The following HHIPL2 variants were observed in gnomAD, a reference collection of about 807,000 sequenced individuals.
HHIPL2 encodes HHIP like 2.
A neutral mutation model predicts 61.0 loss-of-function variants in HHIPL2; 61 were observed. The observed-to-expected ratio is 1.00, with a 90% CI of 0.81 to 1.24. HHIPL2 has a LOEUF of 1.24. HHIPL2 is among the 50% of genes most tolerant of loss of function. HHIPL2 has a pLI of 0.00. For synonymous variants in HHIPL2, 343 were observed against 357.4 expected (o/e 0.96, Z 0.45); for missense variants, 885 against 910.2 (o/e 0.97, Z 0.36).
chr1:222,523,487 G>C (rs148070445), intron 8 of HHIPL2, 125 bp downstream of exon 8: 95 of 824,500 alleles, frequency 1.2e-4, no homozygotes, highest in Non-Finnish European at 1.8e-4. Flanking sequence ...CAGAGGAGAC[G>C]TATAGACTTA....
In HHIPL2 at chr1:222,532,113, T is replaced by A. The variant is rs577700102; in HGVS notation, c.1578-2A>T. On this transcript the variant is annotated splice_acceptor_variant, in intron 5 of 8. Transcript: ENST00000343410. LOFTEE classifies it high-confidence loss of function. ...TCTTCCTGCAAAGCCATAAGTCGACTAGACAAAAAATAAACCCTTATGTTT... is the reference window on the plus strand; with the variant it reads ...TCTTCCTGCAAAGCCATAAGTCGACAAGACAAAAAATAAACCCTTATGTTT... The A allele has an allele frequency of 2.9e-5, 46 of 1,608,806 alleles. No individual in the cohort carries two copies. The East Asian group carries it at 8.5e-4, about 30-fold the overall frequency.
intron 1 of HHIPL2, among the ~76,000 whole-genome samples, chr1:222,547,399 T>C (rs1659576849): frequency 1.3e-5 from 2 of 152,124 alleles, no homozygotes. Context: ...AGGATGCAAA[T>C]AATTATTTGC....
chr1:222,543,821 A>T lies in HHIPL2; in HGVS notation c.690T>A (p.His230Gln). ...VSMVHAGDGT[H>Q]RFFVAEQVGV... Reference sequence around the variant, plus strand: ...CTACCTGCTCGGCAACAAAGAAGCGATGGGTGCCGTCCCCAGCATGGACCA... The same window carrying T: ...CTACCTGCTCGGCAACAAAGAAGCGTTGGGTGCCGTCCCCAGCATGGACCA... Residue 230 changes from histidine to glutamine, a missense_variant, in exon 2 of 9, where the codon CAT (histidine) becomes CAA (glutamine). Transcript: ENST00000343410. 1 of 1,614,020 alleles carries T rather than the reference A, an allele frequency of 6.2e-7. No homozygotes were observed. Among genetic ancestry groups the T allele is most frequent in the South Asian group, 1.1e-5 (1 of 91,076 alleles).
chr1:222,545,103 G>C (rs1302757619), intron 1 of HHIPL2, among the ~76,000 whole-genome samples: 1 of 152,314 alleles, frequency 6.6e-6, no homozygotes, highest in East Asian at 1.9e-4. Context: ...GAGCAGACGA[G>C]CGACTCCCAG....
rs374204425 is a variant in HHIPL2 at position 222,543,728 on chromosome 1, G to C, written c.783C>G (p.Ile261Met). ...LEQPFLDLKN[I>M]VLTTPWIGDE... ...CCCCGATCCATGGGGTGGTCAACAC[G>C]ATGTTCTTGAGGTCCAGGAAGGGTT... Residue 261 changes from isoleucine to methionine, a missense_variant, in exon 2 of 9, where the codon ATC (isoleucine) becomes ATG (methionine). Physicochemically the swap from Ile to Met is conservative, Grantham distance 10. Coordinates refer to ENST00000343410, the MANE Select transcript of HHIPL2 (RefSeq NM_024746.4). 1.2e-6 allele frequency: 2 copies of C among 1,614,056 alleles called. No individual in the cohort carries two copies. The highest frequency in any genetic ancestry group is 2.7e-5 in the African/African-American group (2 of 74,906).
At chr1:222,529,589 T>C (rs17011626) in intron 6 of HHIPL2, among the ~76,000 whole-genome samples, 5,364 of 152,306 alleles carry the variant, frequency 0.035, 573 homozygotes, top group East Asian at 0.27. Flanking sequence ...AGCATCCAAC[T>C]GATATTTTTA....
chr1:222,537,317 T>C (rs573532052), intron 5 of HHIPL2, among the ~76,000 whole-genome samples: 34 of 151,468 alleles, frequency 2.2e-4, no homozygotes, highest in Non-Finnish European at 4.0e-4. Context: ...TGACATCATA[T>C]TGGTGTGATG....
chr1:222,531,064 G>A (rs978164238), intron 6 of HHIPL2, among the ~76,000 whole-genome samples: 21 of 152,206 alleles, frequency 1.4e-4, no homozygotes, highest in African/African-American at 7.2e-5. Flanking sequence ...TGTCTCTCTC[G>A]CTCATGTGTA....
intron 4 of HHIPL2, 194 bp from the exon 5 acceptor site, chr1:222,538,968 C>G (rs770299451): frequency 3.8e-6 from 2 of 530,014 alleles, no homozygotes; most frequent in Non-Finnish European, 6.5e-6. Flanking sequence ...TTGCAAACTT[C>G]CTACTTAACT....
At position 222,543,201 on chromosome 1, in the gene HHIPL2, T is replaced by C. The variant is rs562915742; in HGVS notation, c.974+336A>G. On this transcript the variant is annotated intron_variant, in intron 2 of 8. Coordinates refer to ENST00000343410, the MANE Select transcript of HHIPL2 (RefSeq NM_024746.4). Reference sequence around the variant, plus strand: ...TCAAAGTAAAGGCCCTGGGATCTAATGGCACATAATAATCAGAGGCTACTA... The same window carrying C: ...TCAAAGTAAAGGCCCTGGGATCTAACGGCACATAATAATCAGAGGCTACTA... Among the ~76,000 whole-genome samples the C allele has an allele frequency of 7.2e-5, 11 of 152,358 alleles. No individual in the cohort carries two copies. The South Asian group carries it at 2.3e-3, about 32-fold the overall frequency.
intron 6 of HHIPL2, among the ~76,000 whole-genome samples, chr1:222,530,333 G>C (rs1197449163): frequency 6.6e-6 from 1 of 152,144 alleles, no homozygotes; most frequent in Non-Finnish European, 1.5e-5. Flanking sequence ...CTCTGGGGTG[G>C]TGCTGGACAC....
chr1:222,545,255 C>G (rs1391100884), intron 1 of HHIPL2, among the ~76,000 whole-genome samples: 1 of 152,210 alleles, frequency 6.6e-6, no homozygotes, highest in African/African-American at 2.4e-5. Context: ...TCTCCTGAGC[C>G]AGCCAGCCTG....
chr1:222,528,820 AT>A (rs59113896), intron 6 of HHIPL2, among the ~76,000 whole-genome samples: 4,907 of 128,798 alleles, frequency 0.038, 463 homozygotes, highest in East Asian at 0.26. Flanking sequence ...TAAACAACTA[AT>A]TTTTTTTTTT....
Position 222,526,899 on chromosome 1 carries a change from T to C in HHIPL2, c.1805+70A>G, listed in dbSNP as rs1029380032. On this transcript the variant is annotated intron_variant, in intron 7 of 8. Transcript: ENST00000343410. ...TTTGCTTCGGGACAATGAGGACTGT[T>C]TTTATGGCCTGCCATGGAGATAAGA... 22 of 1,327,922 alleles carry C rather than the reference T, an allele frequency of 1.7e-5. No homozygotes were observed. In the African/African-American group the frequency reaches 3.0e-4, roughly 18 times the overall value. 82.3% of individuals were successfully genotyped at this position (1,327,922 alleles called of 1,614,324 possible).
rs920822966 is a variant in HHIPL2 at position 222,543,736 on chromosome 1, T to A, written c.775A>T (p.Lys259Ter). Reference protein sequence around the residue: ...SRLEQPFLDLKNIVLTTPWIG... With the variant: ...SRLEQPFLDL Reference sequence around the variant, plus strand: ...CATGGGGTGGTCAACACGATGTTCTTGAGGTCCAGGAAGGGTTGCTCCAGG... The same window carrying A: ...CATGGGGTGGTCAACACGATGTTCTAGAGGTCCAGGAAGGGTTGCTCCAGG... Residue 259 changes from lysine to a stop codon, truncating the protein, a stop_gained, in exon 2 of 9, where the codon AAG becomes TAG. Coordinates refer to ENST00000343410, the MANE Select transcript of HHIPL2 (RefSeq NM_024746.4). LOFTEE classifies it high-confidence loss of function. 1.2e-6 allele frequency: 2 copies of A among 1,614,012 alleles called. No homozygotes were observed. The highest frequency in any genetic ancestry group is 2.7e-5 in the African/African-American group (2 of 74,906).
Position 222,543,849 on chromosome 1 carries a change from G to A in HHIPL2, c.662C>T (p.Ser221Phe). 1 of 1,614,178 alleles carries A rather than the reference G, an allele frequency of 6.2e-7. No individual in the cohort carries two copies. The highest frequency in any genetic ancestry group is 8.5e-7 in the Non-Finnish European group (1 of 1,180,036). ...GGTGCCGTCCCCAGCATGGACCATG[G>A]AGACGGGGTTCCTCAGCCCGTTGGC... ...EVANGLRNPV[S>F]MVHAGDGTHR... Residue 221 changes from serine to phenylalanine, a missense_variant, in exon 2 of 9, where the codon TCC (serine) becomes TTC (phenylalanine). Ser to Phe is a radical substitution (Grantham distance 155). Transcript: ENST00000343410.
chr1:222,527,008 G>A lies in HHIPL2; in HGVS notation c.1766C>T (p.Ala589Val), dbSNP rs1659081908. 1 of 1,613,670 alleles carries A rather than the reference G, an allele frequency of 6.2e-7. No homozygotes were observed. The highest frequency in any genetic ancestry group is 8.5e-7 in the Non-Finnish European group (1 of 1,179,830). The change falls in exon 7 of 9, where the codon GCA becomes GTA. Residue 589 changes from alanine to valine, a missense_variant. Ala to Val is a moderately conservative substitution (Grantham distance 64). Coordinates refer to ENST00000343410, the MANE Select transcript of HHIPL2 (RefSeq NM_024746.4). ...FLATSYPSAY[A>V]PRGSIYKFVD... ...AAACTTGTAAATAGATCCACGTGGT[G>A]CATAGGCACTTGGGTAAGAGGTCGC...
rs1247033993 is a variant in HHIPL2 at position 222,547,833 on chromosome 1, T to G, written c.212A>C (p.Asp71Ala). The G allele has an allele frequency of 6.2e-7, 1 of 1,614,088 alleles. No homozygotes were observed. Among genetic ancestry groups the G allele is most frequent in the East Asian group, 2.2e-5 (1 of 44,872 alleles). ...CSDYESFGCC[D>A]QHKDRRIAAR... ...AGCGATGCGGCGGTCCTTGTGCTGA[T>G]CACAGCAGCCGAAGGACTCATAGTC... Residue 71 changes from aspartate to alanine, a missense_variant, in exon 1 of 9, where the codon GAT becomes GCT. Transcript: ENST00000343410.
chr1:222,528,214 G>A (rs1275946527), intron 6 of HHIPL2, among the ~76,000 whole-genome samples: 1 of 152,188 alleles, frequency 6.6e-6, no homozygotes, highest in Non-Finnish European at 1.5e-5. Flanking sequence ...ATGCTATCTT[G>A]GGAGACCTCT....
Sources: gnomAD v4.1 joint callset for allele counts (sites outside exome capture counted in the v4.1 genomes callset) on GRCh38, gnomAD v4.1.1 for gene constraint, MANE v1.5 for transcripts, NCBI Gene and HGNC (gene_info 2026-07-23, HGNC 2026-07-21) for gene names.